PLCH1: variants seen among roughly 807,000 people sequenced by gnomAD.
PLCH1 encodes the protein 1-phosphatidylinositol 4,5-bisphosphate phosphodiesterase eta-1.
A neutral mutation model predicts 126.7 loss-of-function variants in PLCH1; 60 were observed. The observed-to-expected ratio is 0.47, with a 90% confidence interval of 0.38 to 0.59. The LOEUF (loss-of-function observed/expected upper bound fraction) is 0.59. PLCH1 is among the 20% of genes least tolerant of loss of function. PLCH1 has a pLI of 0.00. For synonymous variants in PLCH1, 719 were observed against 734.9 expected, an observed-to-expected ratio of 0.98 and a Z score of 0.35; for missense variants, 1,723 against 2,040.0, an observed-to-expected ratio of 0.84 and a Z score of 2.99.
chr3:155,574,259 A>T (rs113727550), intron 6 of PLCH1, among the ~76,000 whole-genome samples: 2,566 of 152,234 alleles, frequency 0.017, 49 homozygotes, highest in Non-Finnish European at 0.026. Context: ...TAGAGAAGGG[A>T]CAGTTGCCCT....
intron 2 of PLCH1, among the ~76,000 whole-genome samples, chr3:155,623,943 AC>A (rs994876009): frequency 6.6e-5 from 10 of 152,172 alleles, no homozygotes; most frequent in Non-Finnish European, 1.0e-4. Flanking sequence ...CAGAGACACA[AC>A]AAAAAAAGAA....
chr3:155,496,077 C>G (rs1028306146), intron 15 of PLCH1, among the ~76,000 whole-genome samples: 17 of 152,104 alleles, frequency 1.1e-4, no homozygotes, highest in African/African-American at 4.1e-4. Flanking sequence ...TAATTAGGCA[C>G]ATATCAATTA....
chr3:155,720,583 A>T (rs1465191247), intron 1 of PLCH1, among the ~76,000 whole-genome samples: 2 of 151,474 alleles, frequency 1.3e-5, no homozygotes, highest in Non-Finnish European at 2.9e-5. Context: ...TTTTTTCTTG[A>T]TGATTTATTT....
At chr3:155,527,823 G>C (rs528032869) in intron 10 of PLCH1, among the ~76,000 whole-genome samples, 238 of 151,812 alleles carry the variant, frequency 1.6e-3, no homozygotes, top group African/African-American at 5.6e-3. Flanking sequence ...GGGAGGCTGA[G>C]GCAGGAGAAT....
chr3:155,454,836 G>T (rs1471341284), intron 21 of PLCH1, among the ~76,000 whole-genome samples: 1 of 152,110 alleles, frequency 6.6e-6, no homozygotes, highest in Non-Finnish European at 1.5e-5. Context: ...AAGGTAACTC[G>T]ACATTTTGTT....
chr3:155,456,334 C>CCA (rs1712439730), intron 21 of PLCH1, among the ~76,000 whole-genome samples: 2 of 102,000 alleles, frequency 2.0e-5, no homozygotes, highest in African/African-American at 8.7e-5. Context: ...AGCTAATGAG[C>CCA]TAAAAAAAAA....
At position 155,596,393 on chromosome 3, in the gene PLCH1, A is replaced by T. The variant is rs1265096789; in HGVS notation, c.80-15T>A. On this transcript the variant is annotated splice_polypyrimidine_tract_variant and intron_variant, in intron 2 of 22. Coordinates refer to ENST00000460012, the MANE Select transcript of PLCH1 (RefSeq NM_014996.4). ...GCATCTTTCAACTGCAAAAGAAATT[A>T]GAGTGTATCCAGCTATCACACAATG... 8.1e-6 allele frequency: 13 copies of T among 1,608,376 alleles called. No individual in the cohort carries two copies. The highest frequency in any genetic ancestry group is 1.1e-5 in the Non-Finnish European group (13 of 1,176,678).
chr3:155,729,207 C>T (rs765086913), intron 1 of PLCH1, among the ~76,000 whole-genome samples: 11 of 152,228 alleles, frequency 7.2e-5, no homozygotes, highest in Non-Finnish European at 1.5e-4. Flanking sequence ...CTGTCTTCTT[C>T]TCCATCCACC....
rs1714997923 is a variant in PLCH1 at position 155,485,899 on chromosome 3, C to T, written c.2620-189G>A. On this transcript the variant is annotated intron_variant, in intron 21 of 22. Transcript: ENST00000460012. ...CTTCATGCACATCTTATCAACCTTA[C>T]TTTGCAAGGACTTCAGCCTTCCATT... is the stretch of plus-strand genomic sequence containing the variant. 6 of 601,510 alleles carry T rather than the reference C, an allele frequency of 1.0e-5. No homozygotes were observed. The South Asian group carries it at 1.3e-4, about 13-fold the overall frequency. The allele number at this position is 601,510 out of a possible 1,614,324, so 37.3% of individuals were successfully genotyped here. A position where few individuals can be genotyped will look rare whatever the true frequency, so the allele number is the denominator to read the frequency against.
At chr3:155,726,416 C>T (rs1251773973) in intron 1 of PLCH1, among the ~76,000 whole-genome samples, 2 of 152,068 alleles carry the variant, frequency 1.3e-5, no homozygotes. Flanking sequence ...TGTCTTCTGG[C>T]TTCTATTGTT....
chr3:155,731,211 G>A (rs959963111), intron 1 of PLCH1, among the ~76,000 whole-genome samples: 4 of 152,192 alleles, frequency 2.6e-5, no homozygotes, highest in Non-Finnish European at 5.9e-5. Context: ...CAGCCCCCAT[G>A]GACTTAGGCT....
chr3:155,732,971 T>A (rs913169630), intron 1 of PLCH1, among the ~76,000 whole-genome samples: 2 of 141,616 alleles, frequency 1.4e-5, no homozygotes, highest in Non-Finnish European at 3.1e-5. Context: ...CCATTTACAA[T>A]AGCTACAAAA....
chr3:155,564,836 T>C, intron 8 of PLCH1, 79 bp downstream of exon 8: 1 of 873,362 alleles, frequency 1.1e-6, no homozygotes, highest in Non-Finnish European at 1.9e-6. Flanking sequence ...TAGGTCTCCA[T>C]TCTTTATACT....
rs1206021979 is a variant in PLCH1 at position 155,510,256 on chromosome 3, C to T, written c.1632+4467G>A. Among the ~76,000 whole-genome samples the T allele has an allele frequency of 4.5e-4, 48 of 105,982 alleles. 3 individuals carry two copies. The highest frequency in any genetic ancestry group is 1.8e-3 in the African/African-American group (39 of 21,400). The allele number at this position is 105,982 out of a possible 152,430, so 69.5% of individuals were successfully genotyped here. A position where few individuals can be genotyped will look rare whatever the true frequency, so the allele number is the denominator to read the frequency against. Reference sequence around the variant, plus strand: ...TTTTGAGCCTATGTGTGTCTCTGCACGTGAGATGGGTTTCCTGAATACAGC... The same window carrying T: ...TTTTGAGCCTATGTGTGTCTCTGCATGTGAGATGGGTTTCCTGAATACAGC... On this transcript the variant is annotated intron_variant, in intron 12 of 22. Transcript: ENST00000460012.
chr3:155,610,199 A>C (rs1378246109), intron 2 of PLCH1, among the ~76,000 whole-genome samples: 1 of 151,936 alleles, frequency 6.6e-6, no homozygotes, highest in African/African-American at 2.4e-5. Flanking sequence ...ATTTCTAATA[A>C]AAATACAAAA....
At chr3:155,611,714 AT>A (rs927364734) in intron 2 of PLCH1, among the ~76,000 whole-genome samples, 1 of 152,166 alleles carries the variant, frequency 6.6e-6, no homozygotes, top group East Asian at 1.9e-4. Flanking sequence ...CAAAATATGC[AT>A]TTTTTTCTTC....
intron 13 of PLCH1, among the ~76,000 whole-genome samples, chr3:155,503,229 T>C (rs1019686073): frequency 1.2e-4 from 18 of 152,226 alleles, no homozygotes; most frequent in Non-Finnish European, 2.4e-4. Flanking sequence ...AATTCTGTCA[T>C]TCCTTTCTCT....
chr3:155,736,443 A>T (rs80044224), intron 1 of PLCH1, among the ~76,000 whole-genome samples: 6,006 of 152,258 alleles, frequency 0.039, 376 homozygotes, highest in African/African-American at 0.14. Flanking sequence ...TAATCACACT[A>T]CAGTGATTTC....
intron 2 of PLCH1, among the ~76,000 whole-genome samples, chr3:155,627,409 T>G (rs1426056204): frequency 6.7e-6 from 1 of 148,414 alleles, no homozygotes; most frequent in Non-Finnish European, 1.5e-5. Flanking sequence ...GGCAGGCCGA[T>G]CACGAGGTTA....
Sources: gnomAD v4.1 joint callset for allele counts (sites outside exome capture counted in the v4.1 genomes callset) on GRCh38, gnomAD v4.1.1 for gene constraint, MANE v1.5 for transcripts, NCBI Gene and HGNC (gene_info 2026-07-23, HGNC 2026-07-21) for gene names.